Variants in GNG7 observed in about 807,000 individuals in gnomAD.
GNG7 encodes guanine nucleotide-binding protein G(I)/G(S)/G(O) subunit gamma-7.
In GNG7, 1 loss-of-function variant was observed where a neutral mutation model predicts 4.0. That is an observed-to-expected ratio of 0.25 (90% confidence interval 0.09 to 1.18). The LOEUF (loss-of-function observed/expected upper bound fraction) is 1.18, where lower values mean the gene tolerates loss of function less well. Among genes scored for constraint, GNG7 ranks in the 50% most tolerant of loss-of-function variants. GNG7 has a pLI of 0.50. For missense variants in GNG7, 86 were observed against 91.9 expected (o/e 0.94, Z 0.26); for synonymous variants, 34 against 36.9 (o/e 0.92, Z 0.29).
At chr19:2,593,797 T>C (rs916194293) in intron 2 of GNG7, among the ~76,000 whole-genome samples, 4 of 151,520 alleles carry the variant, frequency 2.6e-5, no homozygotes, top group Non-Finnish European at 4.4e-5. Context: ...TTTTTTTTTT[T>C]TTAAACAATC....
At chr19:2,537,792 G>A (rs1465474572) in intron 3 of GNG7, among the ~76,000 whole-genome samples, 1 of 152,086 alleles carries the variant, frequency 6.6e-6, no homozygotes, top group African/African-American at 2.4e-5. Flanking sequence ...GGTCTTGAGG[G>A]AAGCGACACA....
chr19:2,602,537 C>G (rs1291033244), intron 2 of GNG7, among the ~76,000 whole-genome samples: 1 of 152,244 alleles, frequency 6.6e-6, no homozygotes, highest in Admixed American at 6.5e-5. Flanking sequence ...CCCGAGCCTG[C>G]AGGGAAATGC....
chr19:2,600,468 ATTTTTTTT>A (rs35232310), intron 2 of GNG7, among the ~76,000 whole-genome samples: 1 of 120,358 alleles, frequency 8.3e-6, no homozygotes, highest in African/African-American at 3.1e-5. Flanking sequence ...GTATCTTGGC[ATTTTTTTT>A]TTTTTTTTTT....
intron 2 of GNG7, among the ~76,000 whole-genome samples, chr19:2,641,081 G>A (rs767060631): frequency 2.6e-5 from 4 of 152,258 alleles, no homozygotes; most frequent in Non-Finnish European, 5.9e-5. Flanking sequence ...ACAAGAAGAA[G>A]GGACTCGGGT....
At position 2,542,304 on chromosome 19, in the gene GNG7, C is replaced by T. The variant is rs113950267; in HGVS notation, c.-38+12845G>A. ...TAACTTTTGTATTTTTTAGTCGAGACGGGGTTTCACCATGTTGCCCAGGCT... is the reference window on the plus strand; with the variant it reads ...TAACTTTTGTATTTTTTAGTCGAGATGGGGTTTCACCATGTTGCCCAGGCT... On this transcript the variant is annotated intron_variant, in intron 3 of 4. Transcript: ENST00000382159. Among the ~76,000 whole-genome samples the T allele has an allele frequency of 5.7e-3, 869 of 151,822 alleles. 6 individuals are homozygous for T. The highest frequency in any genetic ancestry group is 0.02 in the African/African-American group (826 of 41,400).
Position 2,598,801 on chromosome 19 carries a change from A to C in GNG7, c.-77-43613T>G, listed in dbSNP as rs1031598600. 5.3e-5 allele frequency among the ~76,000 whole-genome samples: 8 copies of C among 152,014 alleles called. No individual in the cohort carries two copies. The East Asian group carries it at 1.5e-3, about 29-fold the overall frequency. On this transcript the variant is annotated intron_variant, in intron 2 of 4. Coordinates refer to ENST00000382159, the MANE Select transcript of GNG7 (RefSeq NM_052847.3). ...TCTCTTGCCACCGTTATTCTTTCTA[A>C]GGAGCCACTAGGAAAAGGATGTCTC...
chr19:2,607,853 G>A, intron 2 of GNG7, among the ~76,000 whole-genome samples: 1 of 152,038 alleles, frequency 6.6e-6, no homozygotes, highest in East Asian at 1.9e-4. Flanking sequence ...CCAACGACAC[G>A]GCACGGAGGC....
chr19:2,568,435 T>G (rs542774559), intron 2 of GNG7, among the ~76,000 whole-genome samples: 204 of 130,490 alleles, frequency 1.6e-3, no homozygotes, highest in African/African-American at 5.1e-3. Flanking sequence ...CACATACATA[T>G]ACATACACAC....
At chr19:2,668,852 G>T (rs1448314649) in intron 1 of GNG7, among the ~76,000 whole-genome samples, 1 of 152,054 alleles carries the variant, frequency 6.6e-6, no homozygotes, top group African/African-American at 2.4e-5. Context: ...GTACCGCAGG[G>T]TGCTGAGGAG....
At chr19:2,692,908 C>T (rs535655964) in intron 1 of GNG7, among the ~76,000 whole-genome samples, 1 of 151,732 alleles carries the variant, frequency 6.6e-6, no homozygotes, top group African/African-American at 2.4e-5. Context: ...ATCACTTGAA[C>T]CTGGGAGTTC....
intron 1 of GNG7, among the ~76,000 whole-genome samples, chr19:2,672,605 C>T (rs898243422): frequency 6.6e-6 from 1 of 152,038 alleles, no homozygotes; most frequent in Non-Finnish European, 1.5e-5. Flanking sequence ...TGTCACCACA[C>T]CGGCTAATTT....
chr19:2,532,158 A>G (rs1373705969), intron 3 of GNG7, among the ~76,000 whole-genome samples: 1 of 42,224 alleles, frequency 2.4e-5, no homozygotes, highest in African/African-American at 2.1e-4. Flanking sequence ...CTCAAAAAAA[A>G]AAACAAAAAA....
chr19:2,673,293 A>AAAAC, intron 1 of GNG7, among the ~76,000 whole-genome samples: 1 of 151,270 alleles, frequency 6.6e-6, no homozygotes, highest in South Asian at 2.1e-4. Flanking sequence ...CAAAACAAAA[A>AAAAC]AAAACCCAGC....
intron 2 of GNG7, among the ~76,000 whole-genome samples, chr19:2,587,795 C>T (rs1382362538): frequency 6.6e-6 from 1 of 151,016 alleles, no homozygotes; most frequent in Non-Finnish European, 1.5e-5. Context: ...GAGCCAAGAT[C>T]GTGCCACTGC....
intron 2 of GNG7, among the ~76,000 whole-genome samples, chr19:2,644,147 A>G (rs1303735023): frequency 1.3e-5 from 2 of 151,484 alleles, no homozygotes; most frequent in Non-Finnish European, 2.9e-5. Context: ...CAGCCCCCCA[A>G]GTAGCTGGGA....
chr19:2,581,143 A>G (rs1237117559), intron 2 of GNG7, among the ~76,000 whole-genome samples: 3 of 151,996 alleles, frequency 2.0e-5, no homozygotes, highest in Non-Finnish European at 2.9e-5. Context: ...AAAGACTTCC[A>G]TGAACGCTGT....
At chr19:2,686,655 TG>T (rs1000312573) in intron 1 of GNG7, among the ~76,000 whole-genome samples, 2 of 151,980 alleles carry the variant, frequency 1.3e-5, no homozygotes, top group Non-Finnish European at 2.9e-5. Context: ...GCCGCCAAGA[TG>T]GGGAAGACGA....
intron 2 of GNG7, among the ~76,000 whole-genome samples, chr19:2,575,914 TACACAGAC>T (rs376985866): frequency 0.013 from 1,334 of 102,700 alleles, 48 homozygotes; most frequent in African/African-American, 0.059. Flanking sequence ...CACGCAGGCA[TACACAGAC>T]ACACAGGCAC....
chr19:2,666,111 C>T (rs1043424606), intron 1 of GNG7, among the ~76,000 whole-genome samples: 1 of 152,118 alleles, frequency 6.6e-6, no homozygotes, highest in Non-Finnish European at 1.5e-5. Context: ...GGTGATCTGC[C>T]TGCTTCAGCC....
Sources: allele counts gnomAD v4.1 joint callset (sites outside exome capture counted in the v4.1 genomes callset), GRCh38; gene constraint gnomAD v4.1.1; transcripts MANE v1.5; gene names NCBI Gene and HGNC (gene_info 2026-07-23, HGNC 2026-07-21).